SOX5: variants seen among roughly 807,000 people sequenced by gnomAD.
SOX5 encodes SRY-box transcription factor 5.
A neutral mutation model predicts 92.0 loss-of-function variants in SOX5; 9 were observed. The ratio of observed to expected loss-of-function variants is 0.10; its 90% CI spans 0.06 to 0.17. SOX5 has a LOEUF of 0.17. Ranked by LOEUF, SOX5 falls within the 10% of genes least tolerant of loss-of-function variation. SOX5 has a pLI of 1.00. For missense variants in SOX5, 642 were observed against 944.5 expected (o/e 0.68, Z 4.20); for synonymous variants, 344 against 336.3 (o/e 1.02, Z -0.25).
At chr12:23,739,816 T>C (rs545477614) in intron 5 of SOX5, among the ~76,000 whole-genome samples, 2 of 152,338 alleles carry the variant, frequency 1.3e-5, no homozygotes, top group East Asian at 3.9e-4. Flanking sequence ...AGCTGCCCAA[T>C]CTAAGGAGCA....
chr12:24,230,476 C>T (rs1382607088), intron 3 of SOX5: 1 of 152,018 alleles, frequency 6.6e-6, no homozygotes, highest in African/African-American at 2.4e-5. Flanking sequence ...TTTATGACTG[C>T]CAGGGAATTG....
intron 4 of SOX5, among the ~76,000 whole-genome samples, chr12:24,046,507 A>G (rs1297061390): frequency 6.6e-6 from 1 of 152,204 alleles, no homozygotes; most frequent in Admixed American, 6.5e-5. Flanking sequence ...TTAAATTGAC[A>G]TCATTATCAG....
intron 4 of SOX5, among the ~76,000 whole-genome samples, chr12:23,968,072 G>A (rs1016267952): frequency 6.6e-6 from 1 of 152,276 alleles, no homozygotes; most frequent in African/African-American, 2.4e-5. Flanking sequence ...ATCAGAGATA[G>A]TAATTTGCCA....
intron 2 of SOX5, among the ~76,000 whole-genome samples, chr12:23,882,176 T>C (rs1426969921): frequency 6.6e-6 from 1 of 152,164 alleles, no homozygotes; most frequent in Non-Finnish European, 1.5e-5. Context: ...TATTGTGGCT[T>C]TCTCCCATAT....
chr12:24,296,730 T>C (rs187188859), intron 2 of SOX5, among the ~76,000 whole-genome samples: 518 of 151,982 alleles, frequency 3.4e-3, no homozygotes, highest in Non-Finnish European at 4.3e-3. Context: ...GCAGCCAATA[T>C]GTTCTGTAGA....
intron 2 of SOX5, among the ~76,000 whole-genome samples, chr12:23,848,399 A>G (rs1309423339): frequency 6.6e-6 from 1 of 152,228 alleles, no homozygotes; most frequent in African/African-American, 2.4e-5. Flanking sequence ...CAGTTGCTGC[A>G]GCAGTATAAA....
At chr12:23,673,642 T>C (rs946133287) in intron 6 of SOX5, among the ~76,000 whole-genome samples, 19 of 152,102 alleles carry the variant, frequency 1.2e-4, no homozygotes, top group African/African-American at 4.1e-4. Context: ...ATGGTTTCTA[T>C]TAGATTATCA....
intron 2 of SOX5, among the ~76,000 whole-genome samples, chr12:23,860,246 G>T (rs1255434262): frequency 2.0e-5 from 3 of 151,566 alleles, no homozygotes; most frequent in Non-Finnish European, 4.4e-5. Flanking sequence ...AAACCTCCAT[G>T]ACATGTGTTT....
intron 7 of SOX5, among the ~76,000 whole-genome samples, chr12:23,655,131 A>T (rs2082150846): frequency 6.6e-6 from 1 of 152,088 alleles, no homozygotes; most frequent in Non-Finnish European, 1.5e-5. Context: ...TTCTGCATAT[A>T]AAAAATACAT....
chr12:24,061,612 G>T (rs1253387981), intron 4 of SOX5, among the ~76,000 whole-genome samples: 1 of 151,966 alleles, frequency 6.6e-6, no homozygotes, highest in Non-Finnish European at 1.5e-5. Context: ...TCACACAAAA[G>T]CTAAGCAATT....
chr12:23,708,020 A>T (rs992502851), intron 6 of SOX5, among the ~76,000 whole-genome samples: 1 of 152,168 alleles, frequency 6.6e-6, no homozygotes, highest in African/African-American at 2.4e-5. Context: ...AAAACAAAAA[A>T]ATAAATACTA....
chr12:23,950,282 T>A (rs1043453938), upstream of SOX5, among the ~76,000 whole-genome samples: 15 of 146,440 alleles, frequency 1.0e-4, 1 homozygote, highest in South Asian at 2.2e-3. Flanking sequence ...ACACACACAC[T>A]CACACACACA....
chr12:24,391,187 A>AT (rs1341726421), intron 1 of SOX5, among the ~76,000 whole-genome samples: 1 of 151,956 alleles, frequency 6.6e-6, no homozygotes, highest in Non-Finnish European at 1.5e-5. Flanking sequence ...GATGTTGAAC[A>AT]TTTTTTCATG....
chr12:23,638,533 T>C (rs1366961989), intron 8 of SOX5: 2 of 152,108 alleles, frequency 1.3e-5, no homozygotes, highest in African/African-American at 2.4e-5. Context: ...ATCTCAAAAA[T>C]AGGTTTCAAA....
At chr12:24,165,697 A>C (rs911562427) in intron 4 of SOX5, among the ~76,000 whole-genome samples, 1 of 152,160 alleles carries the variant, frequency 6.6e-6, no homozygotes, top group African/African-American at 2.4e-5. Context: ...ATAGGAAAAG[A>C]TGTGTAGGTT....
intron 6 of SOX5, among the ~76,000 whole-genome samples, chr12:23,688,645 C>T (rs1048223136): frequency 3.9e-5 from 6 of 152,052 alleles, no homozygotes; most frequent in African/African-American, 7.2e-5. Flanking sequence ...ATCAGAGATC[C>T]TTTGCTAAGG....
chr12:24,560,604 C>T (rs1240462678), intron 1 of SOX5, among the ~76,000 whole-genome samples: 1 of 152,204 alleles, frequency 6.6e-6, no homozygotes, highest in Non-Finnish European at 1.5e-5. Flanking sequence ...AAACCAGATT[C>T]CTTCCCTATC....
chr12:23,969,940 A>G (rs1948034192), intron 4 of SOX5, among the ~76,000 whole-genome samples: 1 of 152,194 alleles, frequency 6.6e-6, no homozygotes, highest in Non-Finnish European at 1.5e-5. Flanking sequence ...TGTGCCGGCA[A>G]AACTCCACAG....
At chr12:23,813,121 T>C (rs1338525789) in intron 3 of SOX5, among the ~76,000 whole-genome samples, 1 of 152,162 alleles carries the variant, frequency 6.6e-6, no homozygotes, top group East Asian at 1.9e-4. Context: ...TTTCAGTGTA[T>C]CGGGCATACA....
Sources: gnomAD v4.1 joint callset for allele counts (sites outside exome capture counted in the v4.1 genomes callset) on GRCh38, gnomAD v4.1.1 for gene constraint, MANE v1.5 for transcripts, NCBI Gene and HGNC (gene_info 2026-07-23, HGNC 2026-07-21) for gene names.